NACC2: variants seen among roughly 807,000 people sequenced by gnomAD.
The protein encoded by NACC2 is nucleus accumbens-associated protein 2.
A neutral mutation model predicts 25.1 loss-of-function variants in NACC2; 8 were observed. The observed-to-expected ratio is 0.32, with a 90% CI of 0.19 to 0.57. The LOEUF is 0.57. Ranked by LOEUF, NACC2 falls within the 20% of genes least tolerant of loss-of-function variation. The probability of loss-of-function intolerance (pLI) is 0.89; values close to 1 mark genes in which losing one functional copy is unlikely to be tolerated. For missense variants in NACC2, 644 were observed against 650.2 expected (o/e 0.99, Z 0.10); for synonymous variants, 435 against 294.7 (o/e 1.48, Z -4.88).
At chr9:136,017,204 C>T (rs370805684) in intron 2 of NACC2, among the ~76,000 whole-genome samples, 1 of 152,170 alleles carries the variant, frequency 6.6e-6, no homozygotes, top group South Asian at 2.1e-4. Context: ...GACGGCCAGG[C>T]GCCCTGCATC....
chr9:136,025,303 G>A (rs866226133), intron 2 of NACC2, among the ~76,000 whole-genome samples: 38 of 152,130 alleles, frequency 2.5e-4, no homozygotes, highest in African/African-American at 6.5e-4. Context: ...TGCTGCTTAC[G>A]ACTCCTCACC....
intron 2 of NACC2, 137 bp from the exon 3 acceptor site, chr9:136,016,566 T>C (rs1840207076): frequency 1.0e-6 from 1 of 983,330 alleles, no homozygotes; most frequent in African/African-American, 1.6e-5. Flanking sequence ...GAGGCCACTC[T>C]GTGCCGCTCT....
At chr9:136,089,659 G>A (rs1346383812) in intron 1 of NACC2, among the ~76,000 whole-genome samples, 1 of 151,864 alleles carries the variant, frequency 6.6e-6, no homozygotes, top group Non-Finnish European at 1.5e-5. Flanking sequence ...GGTGACCCCT[G>A]TCCCCATTCA....
intron 2 of NACC2, among the ~76,000 whole-genome samples, chr9:136,035,597 T>G (rs1247361705): frequency 6.6e-6 from 1 of 152,140 alleles, no homozygotes; most frequent in Admixed American, 6.6e-5. Context: ...AGAACAATAT[T>G]GAGACAACTG....
At chr9:136,054,528 G>A (rs1324286976) in intron 1 of NACC2, among the ~76,000 whole-genome samples, 1 of 152,188 alleles carries the variant, frequency 6.6e-6, no homozygotes, top group Non-Finnish European at 1.5e-5. Flanking sequence ...GGCCAGGAAA[G>A]CAGACACACG....
intron 1 of NACC2, among the ~76,000 whole-genome samples, chr9:136,089,242 G>T (rs1830410573): frequency 6.6e-6 from 1 of 152,000 alleles, no homozygotes; most frequent in Non-Finnish European, 1.5e-5. Flanking sequence ...ACCCCACCCA[G>T]ATCTGAGCCA....
chr9:136,049,881 G>A lies in NACC2; in HGVS notation c.641C>T (p.Ala214Val), dbSNP rs1168074779. 22 of 606,910 alleles carry A rather than the reference G, an allele frequency of 3.6e-5. No individual in the cohort carries two copies. Among genetic ancestry groups the A allele is most frequent in the Admixed American group, 5.7e-5 (2 of 34,878 alleles). The allele number at this position is 606,910 out of a possible 1,614,324, so 37.6% of individuals were successfully genotyped here. Residue 214 changes from alanine (A) to valine (V), a missense_variant, in exon 2 of 6, where the codon GCC becomes GTC. Ala to Val is a moderately conservative substitution (Grantham distance 64). Coordinates refer to ENST00000277554, the MANE Select transcript of NACC2 (RefSeq NM_144653.5). The stretch of plus-strand genomic sequence containing the variant: ...GGAGACACGGGGCAGTTTGAGAGGG[G>A]CTGTGCCCGCCGCCACCGCAGCCCC... Reference protein sequence around the residue: ...AAGAAVAAGTAPLKLPRVSYY... With the variant: ...AAGAAVAAGTVPLKLPRVSYY...
intron 1 of NACC2, among the ~76,000 whole-genome samples, chr9:136,056,294 G>A (rs971539786): frequency 6.6e-6 from 1 of 152,244 alleles, no homozygotes; most frequent in Non-Finnish European, 1.5e-5. Flanking sequence ...CCATGCAGAT[G>A]AGATGCAGCA....
At chr9:136,090,006 G>A (rs1830419250) in intron 1 of NACC2, among the ~76,000 whole-genome samples, 1 of 151,408 alleles carries the variant, frequency 6.6e-6, no homozygotes, top group Admixed American at 6.6e-5. Context: ...AGAATAAACT[G>A]CTGACAACAA....
At chr9:136,061,589 T>A (rs1341860694) in intron 1 of NACC2, among the ~76,000 whole-genome samples, 1 of 151,566 alleles carries the variant, frequency 6.6e-6, no homozygotes, top group African/African-American at 2.4e-5. Flanking sequence ...CGTTCGGGGG[T>A]TGAGACCCTG....
At chr9:136,054,407 C>A (rs914384226) in intron 1 of NACC2, among the ~76,000 whole-genome samples, 2 of 152,226 alleles carry the variant, frequency 1.3e-5, no homozygotes, top group East Asian at 3.8e-4. Context: ...ACGCCCCAGC[C>A]TGCTGAGAGC....
intron 1 of NACC2, among the ~76,000 whole-genome samples, chr9:136,068,240 G>GT (rs1165416377): frequency 2.6e-5 from 4 of 152,120 alleles, no homozygotes; most frequent in African/African-American, 9.7e-5. Flanking sequence ...GCTCATGCCT[G>GT]TAACCCCAGC....
chr9:136,091,609 G>C (rs961959367), intron 1 of NACC2, among the ~76,000 whole-genome samples: 15 of 152,162 alleles, frequency 9.9e-5, no homozygotes, highest in African/African-American at 3.6e-4. Flanking sequence ...ATGCCTTCAC[G>C]CCTGCCCACT....
At chr9:136,044,885 G>A (rs1840697454) in intron 2 of NACC2, among the ~76,000 whole-genome samples, 1 of 152,196 alleles carries the variant, frequency 6.6e-6, no homozygotes, top group African/African-American at 2.4e-5. Flanking sequence ...AGGGCCGGGA[G>A]CACCCCACCC....
intron 2 of NACC2, among the ~76,000 whole-genome samples, chr9:136,033,087 A>C (rs1840497173): frequency 6.6e-6 from 1 of 151,608 alleles, no homozygotes; most frequent in African/African-American, 2.4e-5. Context: ...GAGGTAGGAG[A>C]ATCACTTGAG....
chr9:136,047,901 C>T (rs996332687), intron 2 of NACC2, among the ~76,000 whole-genome samples: 11 of 152,292 alleles, frequency 7.2e-5, no homozygotes, highest in Admixed American at 7.2e-4. Context: ...CCAGCAAACC[C>T]GACACCCAGC....
In NACC2 at chr9:136,057,104, C is replaced by T. The variant is rs559549449; in HGVS notation, c.-59-6524G>A. Among the ~76,000 whole-genome samples, 31 of 152,298 alleles carry T rather than the reference C, an allele frequency of 2.0e-4. No individual in the cohort carries two copies. In the South Asian group the frequency reaches 5.4e-3, roughly 26 times the overall value. ...CCATCCTCGGCAGCAGCAGGCTCTGCGTCCGATAGGGCCTTGTGGGGTGCC... is the reference window on the plus strand; with the variant it reads ...CCATCCTCGGCAGCAGCAGGCTCTGTGTCCGATAGGGCCTTGTGGGGTGCC... On this transcript the variant is annotated intron_variant, in intron 1 of 5. Transcript: ENST00000277554.
chr9:136,082,564 G>A (rs753978367), intron 1 of NACC2, among the ~76,000 whole-genome samples: 2 of 152,216 alleles, frequency 1.3e-5, no homozygotes, highest in Non-Finnish European at 2.9e-5. Context: ...CTCGGAGCCC[G>A]ACAAACAAAA....
intron 1 of NACC2, among the ~76,000 whole-genome samples, chr9:136,073,345 G>A (rs1233386005): frequency 2.0e-5 from 3 of 152,010 alleles, no homozygotes; most frequent in Non-Finnish European, 4.4e-5. Context: ...TGGGAGGATC[G>A]CTTGAGCCTA....
Sources: allele counts gnomAD v4.1 joint callset (sites outside exome capture counted in the v4.1 genomes callset), GRCh38; gene constraint gnomAD v4.1.1; transcripts MANE v1.5; gene names NCBI Gene and HGNC (gene_info 2026-07-23, HGNC 2026-07-21).